The following TRAF2 variants were observed in gnomAD, a reference collection of about 807,000 sequenced individuals.
The protein encoded by TRAF2 is TNF receptor associated factor 2, also known as TNF receptor-associated factor 2.
TRAF2 carries 6 observed loss-of-function variants against 55.6 expected under a neutral mutation model. The observed-to-expected ratio is 0.11, with a 90% CI of 0.06 to 0.21. The LOEUF is 0.21. Ranked by LOEUF, TRAF2 falls within the 10% of genes least tolerant of loss-of-function variation. The probability of loss-of-function intolerance (pLI) is 1.00; values close to 1 mark genes in which losing one functional copy is unlikely to be tolerated. For missense variants in TRAF2, 561 were observed against 684.5 expected (o/e 0.82, Z 2.01); for synonymous variants, 329 against 276.3 (o/e 1.19, Z -1.89).
rs1850458377 is a variant in TRAF2 at position 136,923,863 on chromosome 9, A to G, written c.1150A>G (p.Ser384Gly). Residue 384 changes from serine to glycine, a missense_variant, in exon 10 of 11, where the codon AGC becomes GGC. Ser to Gly is a moderately conservative substitution (Grantham distance 56). Transcript: ENST00000247668. ...PAIFSPAFYT[S>G]RYGYKMCLRI... ...TCCTGCCTCCCCAGCCTTCTACACC[A>G]GCAGGTACGGCTACAAGATGTGTCT... 6.2e-7 allele frequency: 1 copy of G among 1,613,440 alleles called. No homozygotes were observed. Among genetic ancestry groups the G allele is most frequent in the Non-Finnish European group, 8.5e-7 (1 of 1,179,876 alleles).
At chr9:136,891,849 G>A (rs1301655821) in intron 1 of TRAF2, among the ~76,000 whole-genome samples, 2 of 151,530 alleles carry the variant, frequency 1.3e-5, no homozygotes, top group Non-Finnish European at 2.9e-5. Flanking sequence ...AGCCTCCCAA[G>A]TAGCTGGAAT....
At chr9:136,900,279 C>G in intron 3 of TRAF2, 143 bp from the exon 4 acceptor site, 1 of 536,868 alleles carries the variant, frequency 1.9e-6, no homozygotes, top group Non-Finnish European at 3.2e-6. Flanking sequence ...AAAAAGGAAT[C>G]AGAGAGTCAT....
At chr9:136,919,461 A>G (rs1397912875) in intron 7 of TRAF2, among the ~76,000 whole-genome samples, 1 of 151,350 alleles carries the variant, frequency 6.6e-6, no homozygotes, top group Non-Finnish European at 1.5e-5. Context: ...ACGCCCTGCT[A>G]ATTTTGTATT....
At chr9:136,883,184 G>A (rs146308631), upstream of TRAF2, among the ~76,000 whole-genome samples, 18 of 151,384 alleles carry the variant, frequency 1.2e-4, no homozygotes, top group South Asian at 3.3e-3. Flanking sequence ...TTTTTTTTAC[G>A]TGTCTGTGCC....
chr9:136,921,594 G>A (rs1328032325), intron 9 of TRAF2, among the ~76,000 whole-genome samples: 2 of 152,110 alleles, frequency 1.3e-5, no homozygotes, highest in Non-Finnish European at 2.9e-5. Flanking sequence ...GGCTGTGGGG[G>A]TGGGACATGG....
chr9:136,911,264 C>CTTTTTTTTTTTT (rs34077067), intron 6 of TRAF2, among the ~76,000 whole-genome samples: 7 of 122,546 alleles, frequency 5.7e-5, no homozygotes, highest in South Asian at 2.6e-4. Context: ...TCCTTCCCGT[C>CTTTTTTTTTTTT]TTTTTTTTTT....
At chr9:136,908,295 G>A (rs1435356548) in intron 5 of TRAF2, 64 bp downstream of exon 5, 7 of 1,466,640 alleles carry the variant, frequency 4.8e-6, no homozygotes, top group South Asian at 4.0e-5. Flanking sequence ...GGGGAGCTGC[G>A]TGCTGGCCAC....
chr9:136,920,625 A>T, intron 8 of TRAF2, 110 bp downstream of exon 8: 1 of 1,374,968 alleles, frequency 7.3e-7, no homozygotes, highest in Non-Finnish European at 9.6e-7. Flanking sequence ...CGGACAATGT[A>T]GAACTCCATC....
chr9:136,907,973 C>A (rs1849995745), intron 4 of TRAF2, 97 bp from the exon 5 acceptor site: 1 of 1,482,586 alleles, frequency 6.7e-7, no homozygotes, highest in Non-Finnish European at 9.0e-7. Flanking sequence ...ATGCGGACAC[C>A]AAGCCAGCGC....
At chr9:136,896,520 C>G (rs1043423734) in intron 1 of TRAF2, among the ~76,000 whole-genome samples, 1 of 152,196 alleles carries the variant, frequency 6.6e-6, no homozygotes, top group Non-Finnish European at 1.5e-5. Flanking sequence ...CGTGGAAGTT[C>G]CTTGTGCTTG....
intron 5 of TRAF2, 50 bp from the exon 6 acceptor site, chr9:136,909,870 G>C (rs202114282): frequency 1.3e-4 from 214 of 1,599,236 alleles, no homozygotes; most frequent in Non-Finnish European, 1.6e-4. Flanking sequence ...CCCTCCACCC[G>C]CGCCTGGCAT....
chr9:136,892,911 A>G (rs1849610002), intron 1 of TRAF2, among the ~76,000 whole-genome samples: 1 of 152,232 alleles, frequency 6.6e-6, no homozygotes, highest in East Asian at 1.9e-4. Context: ...GTGGCTCATG[A>G]AATCAATGTA....
chr9:136,919,041 A>ATT (rs901324055), intron 7 of TRAF2, among the ~76,000 whole-genome samples: 1 of 28,460 alleles, frequency 3.5e-5, no homozygotes, highest in African/African-American at 2.0e-4. Flanking sequence ...GGCCTATTTT[A>ATT]ATATTTATTT....
chr9:136,909,719 A>G (rs922524984), intron 5 of TRAF2, among the ~76,000 whole-genome samples: 1 of 152,164 alleles, frequency 6.6e-6, no homozygotes, highest in Non-Finnish European at 1.5e-5. Context: ...CTGGCAGAAC[A>G]AACAAAGCGT....
At chr9:136,886,665 G>GGGGGCGGGAGAGGCCGC (rs1849457240) in intron 1 of TRAF2, 124 bp downstream of exon 1, 1 of 702,276 alleles carries the variant, frequency 1.4e-6, no homozygotes, top group Admixed American at 6.3e-5. Context: ...GAGCGGGAGC[G>GGGGGCGGGAGAGGCCGC]GGGGCGGGAG....
At chr9:136,897,134 A>G (rs920685737) in intron 1 of TRAF2, among the ~76,000 whole-genome samples, 2 of 151,842 alleles carry the variant, frequency 1.3e-5, no homozygotes, top group Admixed American at 1.3e-4. Flanking sequence ...ATGCTCTGTA[A>G]GGAGAGCAGA....
chr9:136,905,575 G>C (rs755248489), intron 4 of TRAF2, among the ~76,000 whole-genome samples: 1 of 152,198 alleles, frequency 6.6e-6, no homozygotes, highest in East Asian at 1.9e-4. Context: ...CTGTGCACTT[G>C]AAAATGGTTA....
intron 9 of TRAF2, 27 bp from the exon 10 acceptor site, chr9:136,923,825 C>A (rs374469805): frequency 6.2e-7 from 1 of 1,609,752 alleles, no homozygotes; most frequent in African/African-American, 1.3e-5. Flanking sequence ...AGTGTCAGCT[C>A]ACCAGGCACC....
chr9:136,887,955 C>G (rs997161925), intron 1 of TRAF2, among the ~76,000 whole-genome samples: 1 of 151,956 alleles, frequency 6.6e-6, no homozygotes, highest in South Asian at 2.1e-4. Flanking sequence ...CTGCAGCCTC[C>G]GCCTCCTGGG....
Sources: gnomAD v4.1 joint callset for allele counts (sites outside exome capture counted in the v4.1 genomes callset) on GRCh38, gnomAD v4.1.1 for gene constraint, MANE v1.5 for transcripts, NCBI Gene and HGNC (gene_info 2026-07-23, HGNC 2026-07-21) for gene names.